The following TRIM2 variants were observed in gnomAD, a reference collection of about 807,000 sequenced individuals.
TRIM2 encodes the protein tripartite motif-containing protein 2.
TRIM2 carries 20 observed loss-of-function variants against 75.2 expected under a neutral mutation model. That is an observed-to-expected ratio of 0.27 (90% CI 0.19 to 0.39). The LOEUF (loss-of-function observed/expected upper bound fraction) is 0.39. Ranked by LOEUF, TRIM2 falls within the 10% of genes least tolerant of loss-of-function variation. The pLI, the probability that TRIM2 is intolerant of heterozygous loss-of-function variation, is 1.00. For missense variants in TRIM2, 660 were observed against 990.8 expected (o/e 0.67, Z 4.48); for synonymous variants, 373 against 388.3 (o/e 0.96, Z 0.46).
chr4:153,260,185 C>G (rs1410825077), intron 1 of TRIM2, among the ~76,000 whole-genome samples: 1 of 152,104 alleles, frequency 6.6e-6, no homozygotes, highest in Non-Finnish European at 1.5e-5. Flanking sequence ...GTACCAGCAC[C>G]TAGTCCCCTT....
chr4:153,303,724 C>T (rs1352855413), intron 6 of TRIM2, among the ~76,000 whole-genome samples: 6 of 152,268 alleles, frequency 3.9e-5, no homozygotes, highest in African/African-American at 1.4e-4. Flanking sequence ...AAAGATACAT[C>T]ATTTCATAAA....
chr4:153,320,578 A>G (rs1768708746), intron 8 of TRIM2, among the ~76,000 whole-genome samples: 1 of 152,114 alleles, frequency 6.6e-6, no homozygotes, highest in African/African-American at 2.4e-5. Context: ...GTGGACTCAG[A>G]CTACACTCAT....
intron 3 of TRIM2, among the ~76,000 whole-genome samples, chr4:153,278,599 G>GA (rs1473469215): frequency 6.6e-6 from 1 of 151,844 alleles, no homozygotes; most frequent in African/African-American, 2.4e-5. Context: ...AGGAGTTTGA[G>GA]ACCTGACTGG....
At position 153,270,346 on chromosome 4, in the gene TRIM2, A is replaced by T; in HGVS notation, c.42A>T (p.Ala14=). Residue 14 remains alanine, a synonymous_variant, in exon 2 of 12, where the codon GCA becomes GCT. Coordinates refer to ENST00000338700, the MANE Select transcript of TRIM2 (RefSeq NM_015271.5). ...TTTCTGTCTGACAGCAGCAGCGTGC[A>T]GGGTCAAAGACAGCCGGCCCCCCAT... The part of the protein sequence containing the change: ...SGRYGTQQQR[A]GSKTAGPPCQ... The T allele has an allele frequency of 6.2e-7, 1 of 1,611,952 alleles. No homozygotes were observed. Among genetic ancestry groups the T allele is most frequent in the Non-Finnish European group, 8.5e-7 (1 of 1,179,006 alleles).
At chr4:153,323,997 TAA>T (rs1406770878) in intron 9 of TRIM2, 79 bp from the exon 10 acceptor site, 13 of 1,080,400 alleles carry the variant, frequency 1.2e-5, no homozygotes, top group South Asian at 4.1e-5. Flanking sequence ...GTTAATATAT[TAA>T]GTTTGTTTGT....
intron 1 of TRIM2, among the ~76,000 whole-genome samples, chr4:153,156,209 C>A (rs749362591): frequency 1.3e-5 from 2 of 152,294 alleles, no homozygotes; most frequent in African/African-American, 2.4e-5. Flanking sequence ...GGAGCTCTCC[C>A]GGGGCCTCTT....
chr4:153,163,659 G>T (rs1413706007), intron 1 of TRIM2, among the ~76,000 whole-genome samples: 1 of 151,148 alleles, frequency 6.6e-6, no homozygotes, highest in African/African-American at 2.4e-5. Context: ...GTGCCACCAT[G>T]CCTGGCTAAT....
rs946611014 is a variant in TRIM2, at chr4:153,163,313, G to T, written c.-49+10043G>T. Among the ~76,000 whole-genome samples, 124 of 152,052 alleles carry T rather than the reference G, an allele frequency of 8.2e-4. 1 individual carries two copies. Among genetic ancestry groups the T allele is most frequent in the African/African-American group, 2.9e-3 (121 of 41,466 alleles). Reference sequence around the variant, plus strand: ...CAATCCTCCCATCTCAGCCTCCTGAGTATCTGGGACTACAGGCATGAGCCA... The same window carrying T: ...CAATCCTCCCATCTCAGCCTCCTGATTATCTGGGACTACAGGCATGAGCCA... On this transcript the variant is annotated intron_variant, in intron 1 of 11. Coordinates refer to the TRIM2 transcript ENST00000437508.
intron 1 of TRIM2, among the ~76,000 whole-genome samples, chr4:153,219,260 T>G (rs1253130863): frequency 1.3e-5 from 2 of 152,106 alleles, no homozygotes; most frequent in African/African-American, 4.8e-5. Flanking sequence ...GACCCAACTG[T>G]TGAGGAGTGG....
chr4:153,272,004 G>A (rs927186068), intron 2 of TRIM2, among the ~76,000 whole-genome samples: 2 of 152,082 alleles, frequency 1.3e-5, no homozygotes, highest in Admixed American at 1.3e-4. Context: ...CTTCTTTGGG[G>A]ATCTAGCCCA....
At chr4:153,244,173 T>TCTGCTTCTG (rs1560872410) in intron 1 of TRIM2, among the ~76,000 whole-genome samples, 2 of 139,980 alleles carry the variant, frequency 1.4e-5, no homozygotes, top group African/African-American at 6.1e-5. Context: ...TTCTTCTTCT[T>TCTGCTTCTG]CTTCTTCTCC....
At chr4:153,206,794 G>A (rs1177041206) in intron 1 of TRIM2, among the ~76,000 whole-genome samples, 1 of 152,188 alleles carries the variant, frequency 6.6e-6, no homozygotes, top group Non-Finnish European at 1.5e-5. Flanking sequence ...CCCCTCCAGA[G>A]GCAATCTGGG....
chr4:153,187,422 G>A (rs1732713924), intron 1 of TRIM2, among the ~76,000 whole-genome samples: 1 of 152,186 alleles, frequency 6.6e-6, no homozygotes, highest in Admixed American at 6.5e-5. Context: ...TGACCCACCA[G>A]GGCCATGGCA....
At chr4:153,197,935 G>A (rs1240530067) in intron 1 of TRIM2, among the ~76,000 whole-genome samples, 1 of 152,026 alleles carries the variant, frequency 6.6e-6, no homozygotes, top group Admixed American at 6.6e-5. Flanking sequence ...ACCTTGTGAG[G>A]GCGGCAAAAA....
chr4:153,227,919 C>G (rs1389218855), intron 1 of TRIM2, among the ~76,000 whole-genome samples: 2 of 152,192 alleles, frequency 1.3e-5, no homozygotes, highest in Admixed American at 1.3e-4. Context: ...AGATATTGGG[C>G]AGCTGGCTCT....
intron 11 of TRIM2, among the ~76,000 whole-genome samples, chr4:153,329,734 G>A (rs1771039517): frequency 6.6e-6 from 1 of 151,896 alleles, no homozygotes; most frequent in South Asian, 2.1e-4. Context: ...CTACTCAGGA[G>A]GCTGAAGCAG....
chr4:153,229,886 G>A (rs146556351), intron 1 of TRIM2, among the ~76,000 whole-genome samples: 115 of 152,132 alleles, frequency 7.6e-4, no homozygotes, highest in Non-Finnish European at 4.9e-4. Flanking sequence ...ATTTTCTCTC[G>A]TTCAAGTCCC....
chr4:153,221,083 C>T (rs766619060), intron 1 of TRIM2, among the ~76,000 whole-genome samples: 5 of 152,122 alleles, frequency 3.3e-5, no homozygotes, highest in Admixed American at 6.5e-5. Context: ...CCAGTGGAAA[C>T]GATCCAAATG....
At chr4:153,316,462 C>A in intron 8 of TRIM2, among the ~76,000 whole-genome samples, 1 of 151,824 alleles carries the variant, frequency 6.6e-6, no homozygotes. Flanking sequence ...ATGTACAGGC[C>A]CATTTTGGAA....
Sources: allele counts gnomAD v4.1 joint callset (sites outside exome capture counted in the v4.1 genomes callset), GRCh38; gene constraint gnomAD v4.1.1; transcripts MANE v1.5; gene names NCBI Gene and HGNC (gene_info 2026-07-23, HGNC 2026-07-21).